Variants in MAST3 observed in about 807,000 individuals in gnomAD.
MAST3 encodes microtubule-associated serine/threonine-protein kinase 3.
MAST3 carries 43 observed loss-of-function variants against 127.0 expected under a neutral mutation model. The ratio of observed to expected loss-of-function variants is 0.34; its 90% CI spans 0.27 to 0.44. MAST3 has a LOEUF of 0.44. Among genes scored for constraint, MAST3 ranks in the 20% least tolerant of loss-of-function variants. The probability of loss-of-function intolerance (pLI) is 1.00; values close to 1 mark genes in which losing one functional copy is unlikely to be tolerated. For synonymous variants in MAST3, 785 were observed against 809.2 expected (o/e 0.97, Z 0.51); for missense variants, 1,390 against 1,919.1 (o/e 0.72, Z 5.15).
chr19:18,147,498 C>T lies in MAST3; in HGVS notation c.3382C>T (p.Arg1128Cys), dbSNP rs747792591. ...GCAGACCTCCGTGCTGCACACCAGC[C>T]GCAGCTTCTCCTCCGGACTCCACCA... Reference protein sequence around the residue: ...SKQTSVLHTSRSFSSGLHHSL... With the variant: ...SKQTSVLHTSCSFSSGLHHSL... The change falls in exon 27 of 28, where the codon CGC (arginine) becomes TGC (cysteine). Residue 1128 changes from arginine (R) to cysteine (C), a missense_variant. By Grantham distance (180) the Arg-to-Cys change is radical. Coordinates refer to ENST00000687212, the MANE Select transcript of MAST3 (RefSeq NM_001393504.1). 9.3e-6 allele frequency: 15 copies of T among 1,613,028 alleles called. No individual in the cohort carries two copies. The Admixed American group carries it at 1.0e-4, about 11-fold the overall frequency.
chr19:18,140,586 CTA>C (rs2042366845), intron 20 of MAST3, among the ~76,000 whole-genome samples: 3 of 152,182 alleles, frequency 2.0e-5, no homozygotes, highest in Admixed American at 2.0e-4. Flanking sequence ...GCAATTCACA[CTA>C]TGTGGCCTTT....
rs1423007353 is a variant in MAST3 at position 18,112,622 on chromosome 19, A to C, written c.161+1881A>C. On this transcript the variant is annotated intron_variant, in intron 3 of 27. Transcript: ENST00000687212. The surrounding 1 kb of genome is among the most constrained non-coding windows in gnomAD (Gnocchi z 4.1). ...AGTGCTGGGATTACAGGCATGAACC[A>C]CCAAGCCTGGCCTAATGTTTGTATT... Among the ~76,000 whole-genome samples the C allele has an allele frequency of 2.6e-5, 4 of 152,172 alleles. No homozygotes were observed. Among genetic ancestry groups the C allele is most frequent in the African/African-American group, 9.7e-5 (4 of 41,444 alleles).
intron 10 of MAST3, 124 bp downstream of exon 10, chr19:18,124,490 C>T: frequency 1.5e-6 from 2 of 1,321,294 alleles, no homozygotes; most frequent in Non-Finnish European, 1.1e-6. Context: ...ACACAGGGTG[C>T]TATTGGGCTA....
In MAST3 at chr19:18,134,573, C is replaced by G; in HGVS notation, c.1572-6C>G. 6.2e-7 allele frequency: 1 copy of G among 1,609,588 alleles called. No individual in the cohort carries two copies. The highest frequency in any genetic ancestry group is 8.5e-7 in the Non-Finnish European group (1 of 1,177,230). ...AGCTCTGAGCACACTCCTAACCTGC[C>G]CACAGTCTGCTCATCACCTCGCTTG... is the stretch of plus-strand genomic sequence containing the variant. On this transcript the variant is annotated splice_polypyrimidine_tract_variant and splice_region_variant and intron_variant, in intron 15 of 27. Coordinates refer to ENST00000687212, the MANE Select transcript of MAST3 (RefSeq NM_001393504.1).
intron 15 of MAST3, 96 bp downstream of exon 15, chr19:18,132,143 G>T (rs2041375412): frequency 1.3e-6 from 2 of 1,523,298 alleles, no homozygotes; most frequent in African/African-American, 1.4e-5. Context: ...CCTCTGAGGT[G>T]CATCCCGGGA....
At chr19:18,100,892 A>G (rs956219591) in intron 1 of MAST3, among the ~76,000 whole-genome samples, 1 of 152,202 alleles carries the variant, frequency 6.6e-6, no homozygotes, top group Non-Finnish European at 1.5e-5. Context: ...CTGACCGGCC[A>G]ATCCAGACGC....
At chr19:18,123,429 C>T (rs2040227200) in intron 7 of MAST3, 55 bp downstream of exon 7, 2 of 1,546,596 alleles carry the variant, frequency 1.3e-6, no homozygotes, top group East Asian at 4.7e-5. Flanking sequence ...GGTGTGGAGG[C>T]CCAAGTTGTG....
Position 18,124,148 on chromosome 19 carries a change from T to A in MAST3, c.843T>A (p.Asp281Glu). Residue 281 changes from aspartate (D) to glutamate (E), a missense_variant and splice_region_variant, in exon 9 of 28, where the codon GAT becomes GAA. Physicochemically the swap from Asp to Glu is conservative, Grantham distance 45. Around this residue, in one of 5 missense-constraint regions of MAST3, gnomAD observed 277 missense variants for 384.8 expected, o/e 0.72. Transcript: ENST00000687212. ...MQEKLERLLQ[D>E]AHERSDSEEV... Reference sequence around the variant, plus strand: ...AGAAGCTGGAGCGGCTTCTGCAGGATGTGCGTGGTTTTTCGCATGTTGAGG... The same window carrying A: ...AGAAGCTGGAGCGGCTTCTGCAGGAAGTGCGTGGTTTTTCGCATGTTGAGG... 6.2e-7 allele frequency: 1 copy of A among 1,608,088 alleles called. No homozygotes were observed. The highest frequency in any genetic ancestry group is 8.5e-7 in the Non-Finnish European group (1 of 1,177,522).
In MAST3 at chr19:18,145,353, T is replaced by G. The variant is rs62123605; in HGVS notation, c.3039+124T>G. On this transcript the variant is annotated intron_variant, in intron 24 of 27. Transcript: ENST00000687212. The surrounding 1 kb of genome is among the most constrained non-coding windows in gnomAD (Gnocchi z 5.9). ...GGTAGATAGAGCTGGTGCCACCGAG[T>G]TCATCTCGGTCCCTGTCATTTGGCA... 0.13 allele frequency: 112,372 copies of G among 868,670 alleles called. 8,036 individuals carry two copies. The highest frequency in any genetic ancestry group is 0.15 in the Admixed American group (7,806 of 50,364). 53.8% of individuals were successfully genotyped at this position (868,670 alleles called of 1,614,324 possible). A position where few individuals can be genotyped will look rare whatever the true frequency, so the allele number is the denominator to read the frequency against.
intron 15 of MAST3, among the ~76,000 whole-genome samples, chr19:18,132,514 C>G (rs2041431593): frequency 1.3e-5 from 2 of 152,154 alleles, no homozygotes; most frequent in Admixed American, 1.3e-4. Context: ...TGAGCACCTG[C>G]TGTATATTAG....
rs770567896 is a variant in MAST3, at chr19:18,122,698, G to A, written c.346G>A (p.Ala116Thr). 4.2e-5 allele frequency: 67 copies of A among 1,613,318 alleles called. No homozygotes were observed. Among genetic ancestry groups the A allele is most frequent in the Non-Finnish European group, 5.4e-5 (64 of 1,179,668 alleles). The change falls in exon 6 of 28, where the codon GCG becomes ACG. Residue 116 changes from alanine to threonine, a missense_variant. Transcript: ENST00000687212. ...RRADGRRWSL[A>T]SLPSSGYGTN... ...GGCAGACGGCAGAAGATGGTCCCTCGCGTCTCTCCCATCTTCCGGCTATGG... is the reference window on the plus strand; with the variant it reads ...GGCAGACGGCAGAAGATGGTCCCTCACGTCTCTCCCATCTTCCGGCTATGG...
At position 18,149,528 on chromosome 19, in the gene MAST3, A is replaced by C. The variant is rs1396275905; in HGVS notation, c.3846A>C (p.Pro1282=). The change falls in exon 28 of 28, where the codon CCA becomes CCC. Residue 1282 remains proline, a synonymous_variant. Transcript: ENST00000687212. This position sits in a 1 kb window ranked among gnomAD's most constrained non-coding sequence, Gnocchi z 5.9. ...AGGCGGGGCGGCGCACTCGTGGGCC[A>C]GAGGCCGAGCTCGTGGTCATGCGGC... The part of the protein sequence containing the change: ...DGEAGRRTRG[P]EAELVVMRRL... 1.3e-6 allele frequency: 2 copies of C among 1,556,198 alleles called. No individual in the cohort carries two copies. Among genetic ancestry groups the C allele is most frequent in the South Asian group, 2.4e-5 (2 of 84,960 alleles).
chr19:18,116,970 G>A (rs2039348550), intron 3 of MAST3, among the ~76,000 whole-genome samples: 1 of 150,878 alleles, frequency 6.6e-6, no homozygotes, highest in East Asian at 2.0e-4. Context: ...ATTGGGCCTG[G>A]ACTGGGTCCC....
At chr19:18,120,365 TG>T (rs1164687614) in intron 3 of MAST3, among the ~76,000 whole-genome samples, 1 of 152,128 alleles carries the variant, frequency 6.6e-6, no homozygotes, top group African/African-American at 2.4e-5. Context: ...CCTGATTTGC[TG>T]GTGCTGCTGG....
intron 11 of MAST3, among the ~76,000 whole-genome samples, chr19:18,127,543 G>A (rs2040798851): frequency 6.6e-6 from 1 of 152,202 alleles, no homozygotes; most frequent in South Asian, 2.1e-4. Context: ...AGTTAGCCAG[G>A]TGTGGTGGCA....
chr19:18,137,739 G>A (rs1230179633), intron 19 of MAST3, among the ~76,000 whole-genome samples: 3 of 152,080 alleles, frequency 2.0e-5, no homozygotes, highest in Non-Finnish European at 2.9e-5. Context: ...TTTTGGAGGC[G>A]TCCCTGCAGG....
chr19:18,133,540 G>A (rs984582101), intron 15 of MAST3, among the ~76,000 whole-genome samples: 78 of 129,796 alleles, frequency 6.0e-4, no homozygotes, highest in African/African-American at 2.2e-3. Flanking sequence ...CCACCACTAC[G>A]CCCAGCTAAT....
At position 18,146,978 on chromosome 19, in the gene MAST3, G is replaced by GCAGGAGCAAGAGGAGC; in HGVS notation, c.3262_3277dup (p.Arg1093GlnfsTer55). ...AATGTGGCCAAGGGCCGCATGGCAC[G>GCAGGAGCAAGAGGAGC]CAGGAGCAAGAGGAGCCGTCGGCGG... is the stretch of plus-strand genomic sequence containing the variant. On this transcript the variant is annotated frameshift_variant, in exon 26 of 28. Coordinates refer to ENST00000687212, the MANE Select transcript of MAST3 (RefSeq NM_001393504.1). LOFTEE classifies it high-confidence loss of function. 1 of 1,566,748 alleles carries GCAGGAGCAAGAGGAGC rather than the reference G, an allele frequency of 6.4e-7. No homozygotes were observed. Among genetic ancestry groups the GCAGGAGCAAGAGGAGC allele is most frequent in the Non-Finnish European group, 8.7e-7 (1 of 1,155,916 alleles).
rs1282763969 is a variant in MAST3 at position 18,112,101 on chromosome 19, G to A, written c.161+1360G>A. On this transcript the variant is annotated intron_variant, in intron 3 of 27. Coordinates refer to ENST00000687212, the MANE Select transcript of MAST3 (RefSeq NM_001393504.1). This position sits in a 1 kb window ranked among gnomAD's most constrained non-coding sequence, Gnocchi z 4.1. ...CAAGGCCTGGGCACAGCTAAAGAAA[G>A]ATTGGCACCAGGCAGTGGGTACTGC... 2.0e-5 allele frequency among the ~76,000 whole-genome samples: 3 copies of A among 152,262 alleles called. No individual in the cohort carries two copies. Among genetic ancestry groups the A allele is most frequent in the Admixed American group, 6.5e-5 (1 of 15,292 alleles).
Sources: allele counts gnomAD v4.1 joint callset (sites outside exome capture counted in the v4.1 genomes callset), GRCh38; gene constraint gnomAD v4.1.1; regional missense constraint gnomAD v4.1.1; non-coding constraint Gnocchi (gnomAD v3.1); transcripts MANE v1.5; gene names NCBI Gene and HGNC (gene_info 2026-07-23, HGNC 2026-07-21).